The following NCKAP5 variants were observed in gnomAD, a reference collection of about 807,000 sequenced individuals.
The protein encoded by NCKAP5 is nck-associated protein 5.
A neutral mutation model predicts 167.0 loss-of-function variants in NCKAP5; 92 were observed. That is an observed-to-expected ratio of 0.55 (90% CI 0.47 to 0.66). The LOEUF (loss-of-function observed/expected upper bound fraction) is 0.66. Among genes scored for constraint, NCKAP5 ranks in the 30% least tolerant of loss-of-function variants. The probability of loss-of-function intolerance (pLI) is 0.00; values close to 1 mark genes in which losing one functional copy is unlikely to be tolerated. For synonymous variants in NCKAP5, 891 were observed against 877.4 expected (o/e 1.02, Z -0.27); for missense variants, 2,378 against 2,315.0 (o/e 1.03, Z -0.56).
chr2:133,548,816 TC>T (rs1686997943), intron 2 of NCKAP5, among the ~76,000 whole-genome samples: 4 of 151,584 alleles, frequency 2.6e-5, no homozygotes, highest in African/African-American at 9.7e-5. Context: ...AGAAACTACA[TC>T]AACTAACGAG....
chr2:133,121,362 T>C lies in NCKAP5; in HGVS notation c.341+8616A>G, dbSNP rs989478528. Among the ~76,000 whole-genome samples the C allele has an allele frequency of 3.9e-5, 6 of 152,174 alleles. No homozygotes were observed. The South Asian group carries it at 1.2e-3, about 32-fold the overall frequency. On this transcript the variant is annotated intron_variant, in intron 6 of 19. Transcript: ENST00000409261. ...AATGCACATTAAATGATGACACTAT[T>C]AAAAACACAGGAGGGTTATTGCCAT...
Position 132,685,236 on chromosome 2 carries a change from G to A in NCKAP5, c.5714-11931C>T, listed in dbSNP as rs1685779156. Among the ~76,000 whole-genome samples the A allele has an allele frequency of 2.0e-5, 3 of 152,122 alleles. No individual in the cohort carries two copies. The South Asian group carries it at 6.2e-4, about 32-fold the overall frequency. On this transcript the variant is annotated intron_variant, in intron 19 of 19. Coordinates refer to ENST00000409261, the MANE Select transcript of NCKAP5 (RefSeq NM_207363.3). ...CCTTCTCAAAGGAAGCCTATCAAAC[G>A]CTCAAGATAAATAATGAGAAGGTCT...
At chr2:133,263,262 T>C (rs2089008986) in intron 4 of NCKAP5, among the ~76,000 whole-genome samples, 1 of 151,260 alleles carries the variant, frequency 6.6e-6, no homozygotes, top group South Asian at 2.1e-4. Flanking sequence ...AGTCACAGGC[T>C]TGAGTAAACA....
chr2:133,442,430 C>T (rs1690917871), intron 3 of NCKAP5, among the ~76,000 whole-genome samples: 1 of 152,178 alleles, frequency 6.6e-6, no homozygotes. Flanking sequence ...CCTAACAGCT[C>T]CCCTCTGACA....
intron 16 of NCKAP5, among the ~76,000 whole-genome samples, chr2:132,760,091 C>G (rs1680874850): frequency 6.6e-6 from 1 of 152,114 alleles, no homozygotes; most frequent in Non-Finnish European, 1.5e-5. Context: ...AATGCCTCTT[C>G]CCACTCATTT....
At chr2:133,463,819 T>C (rs902161610) in intron 3 of NCKAP5, among the ~76,000 whole-genome samples, 3 of 152,256 alleles carry the variant, frequency 2.0e-5, no homozygotes, top group Non-Finnish European at 4.4e-5. Flanking sequence ...TTGATTTATA[T>C]GATGGTGTCT....
At chr2:133,048,681 T>C (rs1207494580) in intron 6 of NCKAP5, among the ~76,000 whole-genome samples, 7 of 152,236 alleles carry the variant, frequency 4.6e-5, no homozygotes, top group Non-Finnish European at 1.0e-4. Flanking sequence ...ACCAGACATG[T>C]TTTCCTCTGT....
chr2:133,266,747 C>A (rs2089252194), intron 4 of NCKAP5, among the ~76,000 whole-genome samples: 1 of 152,216 alleles, frequency 6.6e-6, no homozygotes, highest in South Asian at 2.1e-4. Flanking sequence ...TCCCCCTGCG[C>A]CTGCCTGCCA....
At chr2:133,506,849 A>G (rs758151878) in intron 3 of NCKAP5, among the ~76,000 whole-genome samples, 16 of 152,166 alleles carry the variant, frequency 1.1e-4, no homozygotes, top group Non-Finnish European at 2.4e-4. Context: ...ATAAAACAAT[A>G]TTACTGATTT....
the NCKAP5 span, among the ~76,000 whole-genome samples, chr2:133,598,029 G>T: frequency 6.6e-6 from 1 of 152,192 alleles, no homozygotes; most frequent in South Asian, 2.1e-4. Flanking sequence ...GTGTGACTAA[G>T]AGCACAAACT....
chr2:133,519,190 C>T (rs2104761372), intron 2 of NCKAP5, among the ~76,000 whole-genome samples: 1 of 152,252 alleles, frequency 6.6e-6, no homozygotes, highest in East Asian at 1.9e-4. Context: ...AACTGATGGG[C>T]TCATATTCCA....
chr2:133,089,025 G>C (rs1404312118), intron 6 of NCKAP5, among the ~76,000 whole-genome samples: 1 of 152,162 alleles, frequency 6.6e-6, no homozygotes, highest in Non-Finnish European at 1.5e-5. Flanking sequence ...AGAAGATGCA[G>C]AGACAAATTA....
the NCKAP5 span, among the ~76,000 whole-genome samples, chr2:133,603,191 G>C: frequency 6.6e-6 from 1 of 151,622 alleles, no homozygotes; most frequent in African/African-American, 2.4e-5. Context: ...CAGAGCAGTG[G>C]CCCTGATGGC....
At chr2:133,070,775 CTATA>C (rs890778175) in intron 6 of NCKAP5, among the ~76,000 whole-genome samples, 10 of 152,058 alleles carry the variant, frequency 6.6e-5, no homozygotes, top group Middle Eastern at 3.4e-3. Context: ...GTGTATCCTC[CTATA>C]TAGAGGCAGA....
At chr2:132,878,549 G>A (rs1413724111) in intron 9 of NCKAP5, among the ~76,000 whole-genome samples, 1 of 151,398 alleles carries the variant, frequency 6.6e-6, no homozygotes, top group Non-Finnish European at 1.5e-5. Context: ...CCAAGAATAT[G>A]AAACAACAAC....
At chr2:133,473,280 C>T (rs1350378456) in intron 3 of NCKAP5, among the ~76,000 whole-genome samples, 8 of 151,584 alleles carry the variant, frequency 5.3e-5, no homozygotes, top group East Asian at 3.9e-4. Context: ...TGCAGTGAGC[C>T]GAGATCGAGC....
chr2:133,267,794 T>C (rs879792610), intron 4 of NCKAP5, among the ~76,000 whole-genome samples: 1 of 152,220 alleles, frequency 6.6e-6, no homozygotes, highest in Non-Finnish European at 1.5e-5. Flanking sequence ...TTCAATAATA[T>C]ACTTTGAACT....
intron 3 of NCKAP5, among the ~76,000 whole-genome samples, chr2:133,346,201 C>T (rs1427496933): frequency 6.6e-6 from 1 of 152,132 alleles, no homozygotes; most frequent in African/African-American, 2.4e-5. Flanking sequence ...ACAATACAAC[C>T]CTCAAATCCA....
chr2:132,994,104 A>T (rs1210489729), intron 7 of NCKAP5, 48 bp downstream of exon 7: 1 of 1,359,492 alleles, frequency 7.4e-7, no homozygotes, highest in Non-Finnish European at 1.0e-6. Context: ...GAAATACAAG[A>T]AAAACAAGCA....
Sources: allele counts gnomAD v4.1 joint callset (sites outside exome capture counted in the v4.1 genomes callset), GRCh38; gene constraint gnomAD v4.1.1; transcripts MANE v1.5; gene names NCBI Gene and HGNC (gene_info 2026-07-23, HGNC 2026-07-21).